Variants in NFAT5 observed in about 807,000 individuals in gnomAD.
NFAT5 encodes nuclear factor of activated T cells 5, also known as nuclear factor of activated T-cells 5.
NFAT5 carries 31 observed loss-of-function variants against 166.5 expected under a neutral mutation model. The observed-to-expected ratio is 0.19, with a 90% CI of 0.14 to 0.25. NFAT5 has a LOEUF of 0.25. Among genes scored for constraint, NFAT5 ranks in the 10% least tolerant of loss-of-function variants. The pLI, the probability that NFAT5 is intolerant of heterozygous loss-of-function variation, is 1.00. For synonymous variants in NFAT5, 612 were observed against 639.7 expected, an observed-to-expected ratio of 0.96 and a Z score of 0.65; for missense variants, 1,449 against 1,821.8, an observed-to-expected ratio of 0.80 and a Z score of 3.72.
Position 69,670,027 on chromosome 16 carries a change from T to G in NFAT5, c.1420T>G (p.Ser474Ala). The G allele has an allele frequency of 2.5e-6, 4 of 1,613,006 alleles. No homozygotes were observed. The highest frequency in any genetic ancestry group is 3.4e-6 in the Non-Finnish European group (4 of 1,179,688). ...EILKKSLHSC[S>A]VKGEEEVFLI... is the part of the protein sequence containing the mutation. ...CTTAAAGAAAAGCTTGCATAGCTGT[T>G]CAGTGAAAGGAGAAGAAGAAGTGTT... Residue 474 changes from serine (S) to alanine (A), a missense_variant, in exon 8 of 15, where the codon TCA becomes GCA. Ser to Ala is a moderately conservative substitution (Grantham distance 99, BLOSUM62 1). Coordinates refer to ENST00000349945, the MANE Select transcript of NFAT5 (RefSeq NM_138713.4).
At chr16:69,662,767 C>T (rs1403039461) in intron 7 of NFAT5, among the ~76,000 whole-genome samples, 1 of 152,076 alleles carries the variant, frequency 6.6e-6, no homozygotes, top group Non-Finnish European at 1.5e-5. Flanking sequence ...GCCGACAACA[C>T]CTCTTTCATA....
At position 69,692,034 on chromosome 16, in the gene NFAT5, A is replaced by G. The variant is rs777988977; in HGVS notation, c.2209A>G (p.Arg737Gly). The G allele has an allele frequency of 4.3e-6, 7 of 1,614,218 alleles. No individual in the cohort carries two copies. The Admixed American group carries it at 1.2e-4, about 27-fold the overall frequency. Residue 737 changes from arginine (R) to glycine (G), a missense_variant, in exon 13 of 15, where the codon AGA becomes GGA. By Grantham distance (125) the Arg-to-Gly change is moderately radical (BLOSUM62 -2). Transcript: ENST00000349945. ...GTTTCAGACAAGAGAAACTCAGTCT[A>G]GAGAGATATTACAGTCAGATGGTAC... Reference protein sequence around the residue: ...TQFQTRETQSREILQSDGTVV... With the variant: ...TQFQTRETQSGEILQSDGTVV...
At chr16:69,620,026 A>T (rs576036085) in intron 2 of NFAT5, among the ~76,000 whole-genome samples, 1 of 152,254 alleles carries the variant, frequency 6.6e-6, no homozygotes, top group Non-Finnish European at 1.5e-5. Flanking sequence ...TGGATCTATT[A>T]TAGTTTACAG....
chr16:69,695,112 CT>C (rs765332115), intron 13 of NFAT5, 23 bp from the exon 14 acceptor site: 1 of 1,556,734 alleles, frequency 6.4e-7, no homozygotes, highest in South Asian at 1.1e-5. Context: ...AGCTTTTAAG[CT>C]TCTGTTTTCA....
intron 11 of NFAT5, chr16:69,685,184 A>AT (rs1252577520): frequency 5.0e-5 from 6 of 119,236 alleles, no homozygotes; most frequent in African/African-American, 2.3e-4. Context: ...ATATATATAT[A>AT]TATATATTTT....
intron 3 of NFAT5, among the ~76,000 whole-genome samples, chr16:69,636,043 T>C (rs114752207): frequency 8.7e-4 from 133 of 152,270 alleles, no homozygotes; most frequent in African/African-American, 3.2e-3. Context: ...ACTTCCTAGA[T>C]ACAATGAGAG....
intron 9 of NFAT5, among the ~76,000 whole-genome samples, chr16:69,674,679 T>C (rs1485446285): frequency 6.6e-6 from 1 of 152,188 alleles, no homozygotes; most frequent in Non-Finnish European, 1.5e-5. Context: ...GGGTCTTTGG[T>C]CAAGTCTAAT....
At chr16:69,610,048 C>G (rs1441205448) in intron 2 of NFAT5, among the ~76,000 whole-genome samples, 1 of 151,598 alleles carries the variant, frequency 6.6e-6, no homozygotes, top group Non-Finnish European at 1.5e-5. Context: ...TTGTTGAGTT[C>G]TTCAGTGTTG....
intron 3 of NFAT5, among the ~76,000 whole-genome samples, chr16:69,630,324 G>A (rs2034657719): frequency 6.6e-6 from 1 of 151,912 alleles, no homozygotes; most frequent in Non-Finnish European, 1.5e-5. Context: ...GAACCACTAT[G>A]CTCGGCCCTG....
intron 2 of NFAT5, among the ~76,000 whole-genome samples, chr16:69,586,751 G>A (rs1012456556): frequency 6.6e-6 from 1 of 152,078 alleles, no homozygotes; most frequent in Non-Finnish European, 1.5e-5. Flanking sequence ...GATTCATTTT[G>A]TTGATTTCTG....
At chr16:69,593,935 A>G (rs72801322) in intron 2 of NFAT5, among the ~76,000 whole-genome samples, 1 of 152,134 alleles carries the variant, frequency 6.6e-6, no homozygotes, top group African/African-American at 2.4e-5. Flanking sequence ...CTGGTTGTTC[A>G]TTAACCTAGT....
In NFAT5 at chr16:69,704,463, AT is replaced by A. The variant is rs2037949326; in HGVS notation, c.*8115del. ...TGTGTATATGGCTTTCATAGTTGGG[AT>A]TTCAGAGCACTGATACCAGATATTT... On this transcript the variant is annotated 3_prime_UTR_variant, in exon 15 of 15. Coordinates refer to ENST00000349945, the MANE Select transcript of NFAT5 (RefSeq NM_138713.4). 1 of 152,542 alleles carries A rather than the reference AT, an allele frequency of 6.6e-6. No homozygotes were observed. The highest frequency in any genetic ancestry group is 1.5e-5 in the Non-Finnish European group (1 of 68,026). 9.4% of individuals were successfully genotyped at this position (152,542 alleles called of 1,614,324 possible).
At position 69,653,222 on chromosome 16, in the gene NFAT5, CT is replaced by C. The variant is rs754403311; in HGVS notation, c.813-11del. On this transcript the variant is annotated splice_polypyrimidine_tract_variant and intron_variant, in intron 4 of 14. Coordinates refer to ENST00000349945, the MANE Select transcript of NFAT5 (RefSeq NM_138713.4). ...TTTTTGATACTTTCTCCATGTTGTG[CT>C]TTGATTTCTCAGAACATTGGAAAAC... The C allele has an allele frequency of 5.2e-6, 8 of 1,528,264 alleles. No homozygotes were observed. In the African/African-American group the frequency reaches 8.7e-5, roughly 17 times the overall value. The allele number at this position is 1,528,264 out of a possible 1,614,324, so 94.7% of individuals were successfully genotyped here.
rs1337611687 is a variant in NFAT5 at position 69,703,902 on chromosome 16, C to G, written c.*7551C>G. The G allele has an allele frequency of 6.6e-6, 1 of 152,534 alleles. No individual in the cohort carries two copies. Among genetic ancestry groups the G allele is most frequent in the Non-Finnish European group, 1.5e-5 (1 of 68,050 alleles). The allele number at this position is 152,534 out of a possible 1,614,324, so 9.4% of individuals were successfully genotyped here. A position where few individuals can be genotyped will look rare whatever the true frequency, so the allele number is the denominator to read the frequency against. ...GCTTGCTTACTCATATTCTCCCTCCCTCTCCCCTTCCTTTCTCTCTCTTCC... is the reference window on the plus strand; with the variant it reads ...GCTTGCTTACTCATATTCTCCCTCCGTCTCCCCTTCCTTTCTCTCTCTTCC... On this transcript the variant is annotated 3_prime_UTR_variant, in exon 15 of 15. Coordinates refer to ENST00000349945, the MANE Select transcript of NFAT5 (RefSeq NM_138713.4).
chr16:69,687,704 G>A (rs2037365664), intron 11 of NFAT5, among the ~76,000 whole-genome samples: 1 of 152,128 alleles, frequency 6.6e-6, no homozygotes. Flanking sequence ...AAGAAAAATT[G>A]TAGATCTGTT....
intron 2 of NFAT5, among the ~76,000 whole-genome samples, chr16:69,616,333 A>T (rs187843922): frequency 2.2e-4 from 33 of 152,022 alleles, no homozygotes; most frequent in Non-Finnish European, 4.7e-4. Context: ...ACCTTAGGCA[A>T]TCCTTCTATG....
At chr16:69,588,324 C>G (rs555561283) in intron 2 of NFAT5, among the ~76,000 whole-genome samples, 4 of 152,266 alleles carry the variant, frequency 2.6e-5, no homozygotes, top group Admixed American at 6.5e-5. Flanking sequence ...AATATCTTTT[C>G]TAATTATAAA....
At chr16:69,631,847 C>A (rs2034733655) in intron 3 of NFAT5, among the ~76,000 whole-genome samples, 1 of 152,146 alleles carries the variant, frequency 6.6e-6, no homozygotes, top group African/African-American at 2.4e-5. Context: ...AAAGTGTGTA[C>A]AGTGGAAATC....
chr16:69,592,398 G>C (rs2032521903), intron 2 of NFAT5, among the ~76,000 whole-genome samples: 1 of 152,032 alleles, frequency 6.6e-6, no homozygotes, highest in Non-Finnish European at 1.5e-5. Flanking sequence ...TTTTAGGGAT[G>C]ATACATGGTA....
Sources: gnomAD v4.1 joint callset for allele counts (sites outside exome capture counted in the v4.1 genomes callset) on GRCh38, gnomAD v4.1.1 for gene constraint, MANE v1.5 for transcripts, NCBI Gene and HGNC (gene_info 2026-07-23, HGNC 2026-07-21) for gene names.